The following ILDR2 variants were observed in gnomAD, a reference collection of about 807,000 sequenced individuals.
ILDR2 encodes immunoglobulin-like domain-containing receptor 2.
In ILDR2, 25 loss-of-function variants were observed where a neutral mutation model predicts 66.8. That is an observed-to-expected ratio of 0.37 (90% CI 0.27 to 0.52). ILDR2 has a LOEUF of 0.52. ILDR2 is among the 20% of genes least tolerant of loss of function. The pLI is 0.88. For synonymous variants in ILDR2, 367 were observed against 357.2 expected (o/e 1.03, Z -0.31); for missense variants, 827 against 876.8 (o/e 0.94, Z 0.72).
Position 166,920,927 on chromosome 1 carries a change from C to T in ILDR2, c.1664G>A (p.Ser555Asn). 6 of 1,479,938 alleles carry T rather than the reference C, an allele frequency of 4.1e-6. No individual in the cohort carries two copies. Among genetic ancestry groups the T allele is most frequent in the African/African-American group, 1.5e-5 (1 of 68,846 alleles). The allele number at this position is 1,479,938 out of a possible 1,614,324, so 91.7% of individuals were successfully genotyped here. ...GGCGCTGCGCGGGCCGAGCTGCGCG[C>T]TCCGCTTGGATGGCGTCTCCAGGCT... ...GGSLETPSKR[S>N]AQLGPRSASY... Residue 555 changes from serine (S) to asparagine (N), a missense_variant, in exon 9 of 10, where the codon AGC becomes AAC. Physicochemically the swap from Ser to Asn is conservative, Grantham distance 46. Coordinates refer to ENST00000271417, the MANE Select transcript of ILDR2 (RefSeq NM_199351.3).
intron 1 of ILDR2, among the ~76,000 whole-genome samples, chr1:166,969,703 T>G (rs1268408932): frequency 2.6e-5 from 4 of 152,232 alleles, no homozygotes; most frequent in African/African-American, 7.2e-5. Context: ...TGCCTCAATA[T>G]CCAATGCCCC....
At chr1:166,905,308 T>C (rs915740308), downstream of ILDR2, among the ~76,000 whole-genome samples, 2 of 152,250 alleles carry the variant, frequency 1.3e-5, no homozygotes, top group Non-Finnish European at 2.9e-5. Context: ...GATTCTTTCC[T>C]TGTGAACCCA....
At position 166,921,411 on chromosome 1, in the gene ILDR2, C is replaced by T. The variant is rs1164638431; in HGVS notation, c.1212-32G>A. On this transcript the variant is annotated intron_variant, in intron 8 of 9. Coordinates refer to ENST00000271417, the MANE Select transcript of ILDR2 (RefSeq NM_199351.3). This position sits in a 1 kb window ranked among gnomAD's most constrained non-coding sequence, Gnocchi z 5.3. ...GCAGAGAAGGAGGGGGTCAGACGGC[C>T]GGTCCCTCCCTGGAGCTCCAGGTAG... 3.3e-6 allele frequency: 5 copies of T among 1,509,102 alleles called. No homozygotes were observed. Among genetic ancestry groups the T allele is most frequent in the African/African-American group, 2.8e-5 (2 of 72,332 alleles). The allele number at this position is 1,509,102 out of a possible 1,614,324, so 93.5% of individuals were successfully genotyped here.
chr1:166,902,603 C>T (rs1349689356), intron 2 of ILDR2, among the ~76,000 whole-genome samples: 1 of 152,120 alleles, frequency 6.6e-6, no homozygotes, highest in East Asian at 1.9e-4. Flanking sequence ...TCTCAGTCAC[C>T]GACCACAAGA....
chr1:166,957,843 A>G lies in ILDR2; in HGVS notation c.305T>C (p.Val102Ala). Residue 102 changes from valine (V) to alanine (A), a missense_variant, in exon 2 of 10, where the codon GTA becomes GCA. Coordinates refer to ENST00000271417, the MANE Select transcript of ILDR2 (RefSeq NM_199351.3). Reference sequence around the variant, plus strand: ...AGTCGAGCCCTGTTTTGAAGCTACTACTCGAACAGTCCTCCTGCTGTCCAA... The same window carrying G: ...AGTCGAGCCCTGTTTTGAAGCTACTGCTCGAACAGTCCTCCTGCTGTCCAA... ...DCLDSRRTVR[V>A]VASKQGSTVT... The G allele has an allele frequency of 6.2e-7, 1 of 1,614,066 alleles. No individual in the cohort carries two copies. Among genetic ancestry groups the G allele is most frequent in the South Asian group, 1.1e-5 (1 of 91,078 alleles).
intron 1 of ILDR2, among the ~76,000 whole-genome samples, chr1:166,967,071 G>A (rs554817407): frequency 1.3e-5 from 2 of 152,328 alleles, no homozygotes; most frequent in South Asian, 4.1e-4. Flanking sequence ...GGCCAGCCAA[G>A]TAGTATATAT....
At chr1:166,942,627 G>C (rs1661374142) in intron 3 of ILDR2, among the ~76,000 whole-genome samples, 1 of 152,212 alleles carries the variant, frequency 6.6e-6, no homozygotes, top group Non-Finnish European at 1.5e-5. Context: ...TACACACACA[G>C]ATAAATTTAT....
In ILDR2 at chr1:166,975,481, C is replaced by CGCGCAGCGCTCGGCGGCGCAT. The variant is rs1663540673; in HGVS notation, c.-234_-214dup. 6.8e-6 allele frequency: 1 copy of CGCGCAGCGCTCGGCGGCGCAT among 146,424 alleles called. No individual in the cohort carries two copies. Among genetic ancestry groups the CGCGCAGCGCTCGGCGGCGCAT allele is most frequent in the African/African-American group, 2.5e-5 (1 of 40,782 alleles). 9.1% of individuals were successfully genotyped at this position (146,424 alleles called of 1,614,324 possible). On this transcript the variant is annotated 5_prime_UTR_variant, in exon 1 of 10. The change creates a new upstream start codon in the 5' untranslated region. Transcript: ENST00000271417. ...CGCGCTGCCGCGGGCTTCCGGGGTCCGCGCAGCGCTCGGCGGCGCATCCGC... is the reference window on the plus strand; with the variant it reads ...CGCGCTGCCGCGGGCTTCCGGGGTCCGCGCAGCGCTCGGCGGCGCATGCGCAGCGCTCGGCGGCGCATCCGC...
At chr1:166,924,893 G>A (rs1660183684) in intron 7 of ILDR2, among the ~76,000 whole-genome samples, 1 of 152,128 alleles carries the variant, frequency 6.6e-6, no homozygotes, top group South Asian at 2.1e-4. Context: ...GCACATGCCT[G>A]TGGTCCCAGC....
At chr1:166,952,668 G>A (rs182802597) in intron 3 of ILDR2, among the ~76,000 whole-genome samples, 43 of 152,286 alleles carry the variant, frequency 2.8e-4, no homozygotes, top group Admixed American at 2.5e-3. Flanking sequence ...TAGAGCTTCG[G>A]TCAATGGTTG....
At chr1:166,926,310 A>T (rs1660286619) in intron 7 of ILDR2, among the ~76,000 whole-genome samples, 1 of 152,082 alleles carries the variant, frequency 6.6e-6, no homozygotes, top group African/African-American at 2.4e-5. Context: ...CATAAGTTGG[A>T]ATCCACCCCA....
intron 1 of ILDR2, among the ~76,000 whole-genome samples, chr1:166,959,413 CCAGGAAGTATCACTT>C (rs1036680309): frequency 6.6e-6 from 1 of 152,162 alleles, no homozygotes; most frequent in Non-Finnish European, 1.5e-5. Flanking sequence ...GACAATGAAG[CCAGGAAGTATCACTT>C]CAGGAGGAAG....
chr1:166,921,002 C>T lies in ILDR2; in HGVS notation c.1589G>A (p.Gly530Asp). ...CCGCGCCTGGCGCTCCCGCGCGCTG[C>T]CCAGGTACGAGTGGTCGTATTTGGG... Reference protein sequence around the residue: ...TAPKYDHSYLGSARERQARPE... With the variant: ...TAPKYDHSYLDSARERQARPE... The change falls in exon 9 of 10, where the codon GGC becomes GAC. Residue 530 changes from glycine (G) to aspartate (D), a missense_variant. Transcript: ENST00000271417. The surrounding 1 kb of genome is among the most constrained non-coding windows in gnomAD (Gnocchi z 5.3). 4 of 1,509,612 alleles carry T rather than the reference C, an allele frequency of 2.6e-6. No homozygotes were observed. Among genetic ancestry groups the T allele is most frequent in the Non-Finnish European group, 2.6e-6 (3 of 1,140,828 alleles). 93.5% of individuals were successfully genotyped at this position (1,509,612 alleles called of 1,614,324 possible). A position where few individuals can be genotyped will look rare whatever the true frequency, so the allele number is the denominator to read the frequency against.
At chr1:166,903,792 C>T (rs145042334), downstream of ILDR2, among the ~76,000 whole-genome samples, 1 of 152,154 alleles carries the variant, frequency 6.6e-6, no homozygotes, top group Non-Finnish European at 1.5e-5. Flanking sequence ...ATCATGCCTA[C>T]CTCAAGCACT....
chr1:166,926,389 C>T (rs776630449), intron 7 of ILDR2, among the ~76,000 whole-genome samples: 1 of 152,044 alleles, frequency 6.6e-6, no homozygotes, highest in Non-Finnish European at 1.5e-5. Context: ...GCCCGGCCAC[C>T]TCAGACTTAG....
Position 166,921,435 on chromosome 1 carries a change from A to G in ILDR2, c.1212-56T>C. ...CCGGTCCCTCCCTGGAGCTCCAGGT[A>G]GGGCTCCCAAGAGCACCCATCGTGT... On this transcript the variant is annotated intron_variant, in intron 8 of 9. Coordinates refer to ENST00000271417, the MANE Select transcript of ILDR2 (RefSeq NM_199351.3). This position sits in a 1 kb window ranked among gnomAD's most constrained non-coding sequence, Gnocchi z 5.3. 4 of 1,422,164 alleles carry G rather than the reference A, an allele frequency of 2.8e-6. No individual in the cohort carries two copies. The highest frequency in any genetic ancestry group is 2.8e-6 in the Non-Finnish European group (3 of 1,061,346). 88.1% of individuals were successfully genotyped at this position (1,422,164 alleles called of 1,614,324 possible).
intron 3 of ILDR2, among the ~76,000 whole-genome samples, chr1:166,942,789 G>C (rs969472475): frequency 6.6e-6 from 1 of 152,216 alleles, no homozygotes; most frequent in African/African-American, 2.4e-5. Flanking sequence ...TATTATGCAC[G>C]AAATTGCTAG....
chr1:166,968,334 C>T (rs1172626548), intron 1 of ILDR2, among the ~76,000 whole-genome samples: 1 of 152,126 alleles, frequency 6.6e-6, no homozygotes, highest in Non-Finnish European at 1.5e-5. Flanking sequence ...CCTACTTATC[C>T]TTCAGGACTT....
In ILDR2 at chr1:166,915,264, A is replaced by C. The variant is rs1001690234; in HGVS notation, c.*4091T>G. On this transcript the variant is annotated 3_prime_UTR_variant, in exon 10 of 10. Transcript: ENST00000271417. ...TCACAGCCAGACTTCTGAGTGACTCACCACAGCCAGCCCCAAAGGATTGAG... is the reference window on the plus strand; with the variant it reads ...TCACAGCCAGACTTCTGAGTGACTCCCCACAGCCAGCCCCAAAGGATTGAG... The C allele has an allele frequency of 1.3e-5, 2 of 152,208 alleles. No individual in the cohort carries two copies. The highest frequency in any genetic ancestry group is 2.4e-5 in the African/African-American group (1 of 41,422). 9.4% of individuals were successfully genotyped at this position (152,208 alleles called of 1,614,324 possible).
Sources: gnomAD v4.1 joint callset for allele counts (sites outside exome capture counted in the v4.1 genomes callset) on GRCh38, gnomAD v4.1.1 for gene constraint, Gnocchi (gnomAD v3.1) non-coding constraint, MANE v1.5 for transcripts, NCBI Gene and HGNC (gene_info 2026-07-23, HGNC 2026-07-21) for gene names.